Variants in APBA1 observed in about 807,000 individuals in gnomAD.
APBA1 encodes the protein amyloid beta precursor protein binding family A member 1.
In APBA1, 55 loss-of-function variants were observed where a neutral mutation model predicts 86.6. That is an observed-to-expected ratio of 0.64 (90% CI 0.51 to 0.80). The LOEUF (loss-of-function observed/expected upper bound fraction) is 0.80, where lower values mean the gene tolerates loss of function less well. APBA1 is among the 30% of genes least tolerant of loss of function. APBA1 has a pLI of 0.00. For missense variants in APBA1, 1,090 were observed against 1,183.0 expected (o/e 0.92, Z 1.15); for synonymous variants, 511 against 493.9 (o/e 1.03, Z -0.46).
chr9:69,526,491 C>A (rs558860482), intron 1 of APBA1, among the ~76,000 whole-genome samples: 1 of 152,214 alleles, frequency 6.6e-6, no homozygotes. Flanking sequence ...CACTAATCAT[C>A]AGAGAATTGC....
At chr9:69,538,920 G>A (rs1836555463) in intron 1 of APBA1, among the ~76,000 whole-genome samples, 1 of 152,184 alleles carries the variant, frequency 6.6e-6, no homozygotes, top group Admixed American at 6.5e-5. Context: ...TCACCAGTGA[G>A]TTCCATATTG....
chr9:69,504,151 G>A (rs1835918161), intron 2 of APBA1, among the ~76,000 whole-genome samples: 1 of 151,954 alleles, frequency 6.6e-6, no homozygotes, highest in Admixed American at 6.5e-5. Context: ...TCTGAAGCCT[G>A]TAAAATCTTC....
At chr9:69,529,130 C>A (rs554295830) in intron 1 of APBA1, among the ~76,000 whole-genome samples, 2 of 152,182 alleles carry the variant, frequency 1.3e-5, no homozygotes, top group East Asian at 3.9e-4. Flanking sequence ...TGTTCCTGAG[C>A]TTCTTTGTAT....
intron 11 of APBA1, among the ~76,000 whole-genome samples, chr9:69,439,780 A>T (rs4347046): frequency 1.3e-5 from 2 of 151,912 alleles, no homozygotes; most frequent in Non-Finnish European, 2.9e-5. Context: ...TCTTCTCTCA[A>T]CTCGTCAAAG....
chr9:69,465,932 C>A (rs556032442), intron 5 of APBA1, among the ~76,000 whole-genome samples: 1 of 152,206 alleles, frequency 6.6e-6, no homozygotes, highest in Non-Finnish European at 1.5e-5. Flanking sequence ...CCCTGACACA[C>A]GGAAGGAACT....
intron 2 of APBA1, among the ~76,000 whole-genome samples, chr9:69,489,731 C>T (rs973958501): frequency 7.9e-5 from 12 of 152,106 alleles, no homozygotes; most frequent in African/African-American, 9.6e-5. Flanking sequence ...AAAATGCTCA[C>T]CATCACTGGC....
Position 69,492,171 on chromosome 9 carries a change from G to A in APBA1, c.1201-16028C>T, listed in dbSNP as rs1260343572. Among the ~76,000 whole-genome samples the A allele has an allele frequency of 5.9e-5, 9 of 152,094 alleles. 1 individual carries two copies. The highest frequency in any genetic ancestry group is 5.9e-4 in the Admixed American group (9 of 15,286). ...AAGGCCCAGCGTCTGGCAGATCAGAGTCTGGCTACCACTGATGGCTCTGAG... is the reference window on the plus strand; with the variant it reads ...AAGGCCCAGCGTCTGGCAGATCAGAATCTGGCTACCACTGATGGCTCTGAG... On this transcript the variant is annotated intron_variant, in intron 2 of 12. Coordinates refer to ENST00000265381, the MANE Select transcript of APBA1 (RefSeq NM_001163.4).
intron 1 of APBA1, among the ~76,000 whole-genome samples, chr9:69,605,087 T>A (rs553488740): frequency 2.0e-5 from 3 of 152,296 alleles, no homozygotes; most frequent in East Asian, 1.9e-4. Flanking sequence ...CAGAATGATT[T>A]GGGGGGTAAA....
At chr9:69,657,446 G>C (rs973134249) in intron 1 of APBA1, among the ~76,000 whole-genome samples, 1 of 152,210 alleles carries the variant, frequency 6.6e-6, no homozygotes, top group Non-Finnish European at 1.5e-5. Flanking sequence ...GGTTCACACT[G>C]ACATCAGCAG....
intron 5 of APBA1, chr9:69,463,253 GT>G (rs1835220306): frequency 6.7e-6 from 1 of 149,144 alleles, no homozygotes; most frequent in Admixed American, 6.7e-5. Context: ...TTTACTGCAA[GT>G]TTCTCAAGCT....
At chr9:69,599,917 A>G (rs991944025) in intron 1 of APBA1, among the ~76,000 whole-genome samples, 1 of 152,218 alleles carries the variant, frequency 6.6e-6, no homozygotes, top group African/African-American at 2.4e-5. Context: ...GCGTTTTTAC[A>G]AGACTGATTC....
intron 4 of APBA1, among the ~76,000 whole-genome samples, chr9:69,470,188 C>T (rs1393989713): frequency 2.6e-5 from 4 of 152,138 alleles, no homozygotes; most frequent in African/African-American, 9.7e-5. Flanking sequence ...TCACTGTCAT[C>T]GCATCACACC....
At chr9:69,559,804 A>C (rs1248345077) in intron 1 of APBA1, among the ~76,000 whole-genome samples, 2 of 152,162 alleles carry the variant, frequency 1.3e-5, no homozygotes, top group African/African-American at 2.4e-5. Flanking sequence ...TTAGTGTTCT[A>C]ATACTTCCAT....
intron 2 of APBA1, among the ~76,000 whole-genome samples, chr9:69,501,769 A>G (rs145008480): frequency 1.6e-4 from 24 of 152,158 alleles, no homozygotes; most frequent in African/African-American, 5.5e-4. Flanking sequence ...GTGAGGCTGC[A>G]GTGAGCTAGG....
chr9:69,434,418 C>CG (rs989057048), intron 11 of APBA1, among the ~76,000 whole-genome samples: 7 of 142,632 alleles, frequency 4.9e-5, no homozygotes, highest in African/African-American at 1.8e-4. Flanking sequence ...TGGCTTAAAA[C>CG]AAAAAAAAAA....
chr9:69,432,732 A>G, intron 11 of APBA1, 56 bp from the exon 12 acceptor site: 1 of 1,403,116 alleles, frequency 7.1e-7, no homozygotes, highest in Non-Finnish European at 9.3e-7. Context: ...TGGGGCTGGA[A>G]GGCCGTCTTT....
chr9:69,604,161 T>TG (rs529141364), intron 1 of APBA1, among the ~76,000 whole-genome samples: 5 of 152,222 alleles, frequency 3.3e-5, no homozygotes, highest in East Asian at 1.9e-4. Flanking sequence ...ACAGCGTTTG[T>TG]GGGGGGGTGT....
intron 1 of APBA1, among the ~76,000 whole-genome samples, chr9:69,540,023 G>A (rs1836577887): frequency 1.3e-5 from 2 of 152,032 alleles, no homozygotes; most frequent in Admixed American, 6.5e-5. Context: ...GGGAGGCTGA[G>A]GCAGGAGAAT....
chr9:69,543,179 G>A (rs1254965378), intron 1 of APBA1, among the ~76,000 whole-genome samples: 1 of 152,174 alleles, frequency 6.6e-6, no homozygotes, highest in Non-Finnish European at 1.5e-5. Flanking sequence ...AGGGGCCGTG[G>A]CCCCTAATTG....
Sources: gnomAD v4.1 joint callset for allele counts (sites outside exome capture counted in the v4.1 genomes callset) on GRCh38, gnomAD v4.1.1 for gene constraint, MANE v1.5 for transcripts, NCBI Gene and HGNC (gene_info 2026-07-23, HGNC 2026-07-21) for gene names.